PDE5A: variants seen among roughly 807,000 people sequenced by gnomAD.
PDE5A encodes cGMP-specific 3',5'-cyclic phosphodiesterase.
A neutral mutation model predicts 110.2 loss-of-function variants in PDE5A; 67 were observed. That is an observed-to-expected ratio of 0.61 (90% confidence interval 0.50 to 0.75). The LOEUF is 0.75. PDE5A is among the 30% of genes least tolerant of loss of function. The pLI, the probability that PDE5A is intolerant of heterozygous loss-of-function variation, is 0.00. For missense variants in PDE5A, 862 were observed against 1,045.1 expected (o/e 0.82, Z 2.42); for synonymous variants, 328 against 351.2 (o/e 0.93, Z 0.74).
chr4:119,549,093 T>A (rs961661739), intron 9 of PDE5A: 5 of 142,072 alleles, frequency 3.5e-5, no homozygotes, highest in Non-Finnish European at 6.2e-5. Flanking sequence ...TGTATTCACC[T>A]ATTTAAAGGT....
chr4:119,583,134 T>C (rs935952711), intron 3 of PDE5A, among the ~76,000 whole-genome samples: 3 of 152,216 alleles, frequency 2.0e-5, no homozygotes, highest in African/African-American at 7.2e-5. Context: ...TTAGTCTACA[T>C]TGACAATCTG....
At chr4:119,521,654 T>C (rs935797299) in intron 12 of PDE5A, among the ~76,000 whole-genome samples, 1 of 151,594 alleles carries the variant, frequency 6.6e-6, no homozygotes, top group African/African-American at 2.4e-5. Flanking sequence ...TAAATTATAC[T>C]TATTCAGGTA....
chr4:119,526,258 C>T (rs1726313806), intron 11 of PDE5A, among the ~76,000 whole-genome samples: 1 of 152,106 alleles, frequency 6.6e-6, no homozygotes, highest in Non-Finnish European at 1.5e-5. Flanking sequence ...GGATGCCAGG[C>T]CTCCAGTCCA....
At chr4:119,544,403 A>C (rs1012216291) in intron 9 of PDE5A, among the ~76,000 whole-genome samples, 2 of 152,230 alleles carry the variant, frequency 1.3e-5, no homozygotes, top group Non-Finnish European at 2.9e-5. Context: ...AATGGCAATC[A>C]GCGTTCATTA....
chr4:119,511,543 A>T (rs914439298), intron 14 of PDE5A, among the ~76,000 whole-genome samples: 2 of 152,116 alleles, frequency 1.3e-5, no homozygotes, highest in Non-Finnish European at 2.9e-5. Context: ...TTCCTCTGAA[A>T]TAATGCTCAG....
intron 1 of PDE5A, among the ~76,000 whole-genome samples, chr4:119,615,380 T>A (rs921484619): frequency 6.6e-6 from 1 of 152,100 alleles, no homozygotes; most frequent in Non-Finnish European, 1.5e-5. Flanking sequence ...CTCATTCCAA[T>A]GAAGACAAAG....
intron 11 of PDE5A, among the ~76,000 whole-genome samples, chr4:119,533,461 G>C (rs1023538485): frequency 6.6e-6 from 1 of 152,090 alleles, no homozygotes; most frequent in Non-Finnish European, 1.5e-5. Context: ...AGTTTATAAG[G>C]CTTTTAGAAT....
rs114972425 is a variant in PDE5A, at chr4:119,615,956, G to A, written c.153-8659C>T. On this transcript the variant is annotated intron_variant, in intron 1 of 20. Transcript: ENST00000354960. ...GCCAATAATTTATAGTCAATGATAA[G>A]AGCCTGAGTTTTACATCACATCCAT... is the stretch of plus-strand genomic sequence containing the variant. Among the ~76,000 whole-genome samples the A allele has an allele frequency of 5.4e-3, 822 of 152,254 alleles. 4 individuals carry two copies. The highest frequency in any genetic ancestry group is 0.019 in the African/African-American group (800 of 41,562).
At position 119,567,058 on chromosome 4, in the gene PDE5A, C is replaced by G; in HGVS notation, c.903+15G>C. On this transcript the variant is annotated intron_variant, in intron 4 of 20. Transcript: ENST00000354960. Reference sequence around the variant, plus strand: ...TCTTCCTAAATTGGCTCATGTCTGACACAAGTTTTGGTACCTTTTCATCTT... The same window carrying G: ...TCTTCCTAAATTGGCTCATGTCTGAGACAAGTTTTGGTACCTTTTCATCTT... The G allele has an allele frequency of 6.3e-7, 1 of 1,594,948 alleles. No individual in the cohort carries two copies. Among genetic ancestry groups the G allele is most frequent in the Non-Finnish European group, 8.6e-7 (1 of 1,162,652 alleles).
At position 119,627,211 on chromosome 4, in the gene PDE5A, A is replaced by AACTCC. The variant is rs1160374658; in HGVS notation, c.152+1308_152+1309insGGAGT. 6.2e-7 allele frequency: 1 copy of AACTCC among 1,611,994 alleles called. No individual in the cohort carries two copies. Among genetic ancestry groups the AACTCC allele is most frequent in the African/African-American group, 1.3e-5 (1 of 74,826 alleles). On this transcript the variant is annotated intron_variant, in intron 1 of 20. Transcript: ENST00000354960. This position sits in a 1 kb window ranked among gnomAD's most constrained non-coding sequence, Gnocchi z 4.6. Reference sequence around the variant, plus strand: ...GGAAGTTCGTTTTCGAACTCCGCCGATCCTGGACTCCAGGAGGCTCCGTAG... The same window carrying AACTCC: ...GGAAGTTCGTTTTCGAACTCCGCCGAACTCCTCCTGGACTCCAGGAGGCTCCGTAG...
intron 1 of PDE5A, among the ~76,000 whole-genome samples, chr4:119,617,838 C>T (rs1295757600): frequency 6.6e-6 from 1 of 152,030 alleles, no homozygotes; most frequent in Non-Finnish European, 1.5e-5. Context: ...AATTTTCAAC[C>T]ACTCTATTTT....
chr4:119,585,730 G>A (rs1462208383), intron 3 of PDE5A, among the ~76,000 whole-genome samples: 2 of 152,158 alleles, frequency 1.3e-5, no homozygotes, highest in South Asian at 2.1e-4. Context: ...CTCTTGAGTC[G>A]GGTGTAGAAC....
intron 3 of PDE5A, among the ~76,000 whole-genome samples, chr4:119,591,168 T>G (rs888910364): frequency 1.3e-5 from 2 of 152,228 alleles, no homozygotes; most frequent in East Asian, 3.8e-4. Context: ...TGGTCCCAGT[T>G]AGCTGATTAT....
At chr4:119,500,866 A>AAAG (rs1256502715) in intron 20 of PDE5A, 3 of 206,890 alleles carry the variant, frequency 1.5e-5, no homozygotes, top group Admixed American at 1.2e-4. Flanking sequence ...AGACTTAAAA[A>AAAG]AAGAATATGC....
intron 1 of PDE5A, among the ~76,000 whole-genome samples, chr4:119,619,173 A>G (rs182622403): frequency 6.6e-6 from 1 of 152,306 alleles, no homozygotes; most frequent in East Asian, 1.9e-4. Flanking sequence ...ATAAAAAATT[A>G]TGTTGGCTAC....
At chr4:119,569,345 T>A (rs1728059569) in intron 3 of PDE5A, among the ~76,000 whole-genome samples, 1 of 152,096 alleles carries the variant, frequency 6.6e-6, no homozygotes, top group Non-Finnish European at 1.5e-5. Context: ...AGAAATAAAT[T>A]AAATGTTTTA....
At chr4:119,527,544 T>C (rs1284991775) in intron 11 of PDE5A, among the ~76,000 whole-genome samples, 1 of 152,134 alleles carries the variant, frequency 6.6e-6, no homozygotes, top group Non-Finnish European at 1.5e-5. Context: ...TAATTACCTA[T>C]TATTTTTACT....
In PDE5A at chr4:119,592,291, TAA is replaced by T. The variant is rs933380716; in HGVS notation, c.831+4230_831+4231del. The stretch of plus-strand genomic sequence containing the variant: ...TAACACGGTGAAACCCTGTCTCTAC[TAA>T]AAATACAAAAAGAAATTAGCCGGGC... On this transcript the variant is annotated intron_variant, in intron 3 of 20. Transcript: ENST00000354960. Among the ~76,000 whole-genome samples the T allele has an allele frequency of 1.2e-4, 17 of 144,946 alleles. No individual in the cohort carries two copies. The East Asian group carries it at 2.1e-3, about 18-fold the overall frequency.
At chr4:119,569,471 T>C (rs1424248346) in intron 3 of PDE5A, among the ~76,000 whole-genome samples, 1 of 151,952 alleles carries the variant, frequency 6.6e-6, no homozygotes, top group Non-Finnish European at 1.5e-5. Flanking sequence ...GTTTCACATA[T>C]ACCCTGTAAA....
Sources: allele counts gnomAD v4.1 joint callset (sites outside exome capture counted in the v4.1 genomes callset), GRCh38; gene constraint gnomAD v4.1.1; non-coding constraint Gnocchi (gnomAD v3.1); transcripts MANE v1.5; gene names NCBI Gene and HGNC (gene_info 2026-07-23, HGNC 2026-07-21).